ASTN2: variants seen among roughly 807,000 people sequenced by gnomAD.
The protein encoded by ASTN2 is astrotactin 2.
In ASTN2, 54 loss-of-function variants were observed where a neutral mutation model predicts 139.8. The ratio of observed to expected loss-of-function variants is 0.39; its 90% CI spans 0.31 to 0.48. The LOEUF is 0.48. Ranked by LOEUF, ASTN2 falls within the 20% of genes least tolerant of loss-of-function variation. The probability of loss-of-function intolerance (pLI) is 0.95; values close to 1 mark genes in which losing one functional copy is unlikely to be tolerated. For missense variants in ASTN2, 1,565 were observed against 1,725.1 expected, an observed-to-expected ratio of 0.91 and a Z score of 1.64; for synonymous variants, 756 against 719.5, an observed-to-expected ratio of 1.05 and a Z score of -0.81.
chr9:117,121,652 G>GTA (rs1029589736), intron 4 of ASTN2, among the ~76,000 whole-genome samples: 19 of 152,186 alleles, frequency 1.2e-4, no homozygotes, highest in African/African-American at 4.3e-4. Flanking sequence ...AGTGGACCTT[G>GTA]TATTAGTCCA....
At chr9:116,996,866 C>T (rs2132561230) in intron 7 of ASTN2, among the ~76,000 whole-genome samples, 1 of 152,142 alleles carries the variant, frequency 6.6e-6, no homozygotes, top group African/African-American at 2.4e-5. Context: ...AATAGTAGGA[C>T]ATATGCCATT....
At chr9:116,591,638 GA>G (rs1418667288) in intron 19 of ASTN2, among the ~76,000 whole-genome samples, 7 of 152,228 alleles carry the variant, frequency 4.6e-5, no homozygotes, top group African/African-American at 1.4e-4. Context: ...GAAAAAAACA[GA>G]ATGCATATTG....
intron 10 of ASTN2, among the ~76,000 whole-genome samples, chr9:116,918,271 G>C (rs1271612863): frequency 6.6e-6 from 1 of 152,196 alleles, no homozygotes; most frequent in African/African-American, 2.4e-5. Flanking sequence ...AGAGTAGAGG[G>C]AGAGGCTGCT....
In ASTN2 at chr9:116,556,492, C is replaced by T. The variant is rs1297874245; in HGVS notation, c.3355+61832G>A. Among the ~76,000 whole-genome samples the T allele has an allele frequency of 3.3e-5, 5 of 152,230 alleles. No homozygotes were observed. The East Asian group carries it at 9.7e-4, about 29-fold the overall frequency. ...GTAAATAATTAAATAAAATAAAAGT[C>T]CCCAGAGGCTGTTGAGAAGGAGGCT... On this transcript the variant is annotated intron_variant, in intron 19 of 22. Coordinates refer to ENST00000313400, the MANE Select transcript of ASTN2 (RefSeq NM_001365068.1).
At chr9:117,375,957 TC>T (rs992560698) in intron 1 of ASTN2, among the ~76,000 whole-genome samples, 4 of 152,128 alleles carry the variant, frequency 2.6e-5, no homozygotes, top group African/African-American at 9.7e-5. Context: ...ATGTCTATCT[TC>T]ACATCCCCCT....
chr9:116,758,611 T>C (rs923267432), intron 13 of ASTN2, among the ~76,000 whole-genome samples: 1 of 152,230 alleles, frequency 6.6e-6, no homozygotes, highest in Non-Finnish European at 1.5e-5. Context: ...AATTCATCCC[T>C]GTTCTGCAAG....
chr9:116,716,936 G>T (rs1288909297), intron 16 of ASTN2, among the ~76,000 whole-genome samples: 2 of 152,156 alleles, frequency 1.3e-5, no homozygotes, highest in Non-Finnish European at 2.9e-5. Context: ...TTACCTTTGG[G>T]TTTGATACCA....
chr9:117,301,674 A>T (rs1834879007), intron 1 of ASTN2, among the ~76,000 whole-genome samples: 1 of 152,224 alleles, frequency 6.6e-6, no homozygotes, highest in African/African-American at 2.4e-5. Flanking sequence ...CCAGGGCAGT[A>T]GGCATCCTTC....
At chr9:116,880,550 G>A (rs978535716) in intron 10 of ASTN2, among the ~76,000 whole-genome samples, 37 of 152,142 alleles carry the variant, frequency 2.4e-4, no homozygotes, top group Admixed American at 9.2e-4. Context: ...TTGCCCTTGC[G>A]CAAATGACCT....
intron 17 of ASTN2, among the ~76,000 whole-genome samples, chr9:116,644,964 T>C (rs1006045911): frequency 1.3e-5 from 2 of 152,170 alleles, no homozygotes; most frequent in African/African-American, 4.8e-5. Flanking sequence ...GCATGTCCAA[T>C]GTCATATAAT....
At chr9:116,591,000 T>C (rs1438078249) in intron 19 of ASTN2, among the ~76,000 whole-genome samples, 1 of 152,174 alleles carries the variant, frequency 6.6e-6, no homozygotes. Flanking sequence ...TGCTCACCCT[T>C]CACTTGTCTG....
At chr9:117,186,382 TA>T (rs11386910) in intron 3 of ASTN2, among the ~76,000 whole-genome samples, 3 of 151,078 alleles carry the variant, frequency 2.0e-5, no homozygotes, top group Admixed American at 6.6e-5. Context: ...CCGTCTCTAC[TA>T]AAAAATACAA....
At chr9:117,205,579 C>G (rs962877801) in intron 3 of ASTN2, among the ~76,000 whole-genome samples, 2 of 151,884 alleles carry the variant, frequency 1.3e-5, no homozygotes, top group African/African-American at 2.4e-5. Context: ...GAAAAAAAAA[C>G]CTACTTTTTA....
chr9:116,446,431 C>T (rs1588066809), intron 20 of ASTN2, among the ~76,000 whole-genome samples: 2 of 152,266 alleles, frequency 1.3e-5, no homozygotes, highest in East Asian at 1.9e-4. Context: ...AACTCCTGTA[C>T]CATCAACTCC....
chr9:116,701,399 T>C (rs1015281422), intron 16 of ASTN2: 5 of 154,134 alleles, frequency 3.2e-5, no homozygotes, highest in African/African-American at 4.8e-5. Context: ...ATTGATCCAA[T>C]TGAAAGTGCA....
intron 6 of ASTN2, among the ~76,000 whole-genome samples, chr9:117,019,772 A>G (rs926751996): frequency 1.3e-5 from 2 of 151,982 alleles, no homozygotes; most frequent in Non-Finnish European, 1.5e-5. Flanking sequence ...ACTGGTTGGA[A>G]CACCAGCCTT....
chr9:117,038,075 A>C (rs1309847842), intron 6 of ASTN2, among the ~76,000 whole-genome samples: 1 of 152,196 alleles, frequency 6.6e-6, no homozygotes, highest in African/African-American at 2.4e-5. Flanking sequence ...CCAAGTGAAA[A>C]ACAAGTAGGG....
chr9:116,728,319 G>A (rs185991613), intron 15 of ASTN2, among the ~76,000 whole-genome samples: 147 of 152,150 alleles, frequency 9.7e-4, no homozygotes, highest in Middle Eastern at 3.4e-3. Flanking sequence ...CGAGAATTCC[G>A]TGAGTTGTTT....
Position 116,425,790 on chromosome 9 carries a change from G to T in ASTN2, c.*61C>A. 6.2e-7 allele frequency: 1 copy of T among 1,605,164 alleles called. No homozygotes were observed. The highest frequency in any genetic ancestry group is 8.5e-7 in the Non-Finnish European group (1 of 1,175,284). On this transcript the variant is annotated 3_prime_UTR_variant, in exon 23 of 23. Transcript: ENST00000313400. ...CAGCCCACCCAGGCCCCAGGATCCA[G>T]GAGAATACTGCTCCCCCTCCCATGG... is the stretch of plus-strand genomic sequence containing the variant.
Sources: allele counts gnomAD v4.1 joint callset (sites outside exome capture counted in the v4.1 genomes callset), GRCh38; gene constraint gnomAD v4.1.1; transcripts MANE v1.5; gene names NCBI Gene and HGNC (gene_info 2026-07-23, HGNC 2026-07-21).